PCDHGB4: variants seen among roughly 807,000 people sequenced by gnomAD.
PCDHGB4 encodes protocadherin gamma-B4.
Under a neutral mutation model 60.5 loss-of-function variants are expected in PCDHGB4, and 38 were observed. The observed-to-expected ratio is 0.63, with a 90% confidence interval of 0.48 to 0.82. The LOEUF is 0.82. Ranked by LOEUF, PCDHGB4 falls within the 40% of genes least tolerant of loss-of-function variation. PCDHGB4 has a pLI of 0.00. For synonymous variants in PCDHGB4, 456 were observed against 509.7 expected (o/e 0.89, Z 1.42); for missense variants, 1,109 against 1,209.6 (o/e 0.92, Z 1.23).
intron 1 of PCDHGB4, chr5:141,410,309 T>G: frequency 6.2e-7 from 1 of 1,613,998 alleles, no homozygotes; most frequent in Non-Finnish European, 8.5e-7. Flanking sequence ...CTCAGTGCTC[T>G]TCCTCCTCGC....
chr5:141,450,581 G>A (rs2098686464), intron 1 of PCDHGB4, among the ~76,000 whole-genome samples: 1 of 151,878 alleles, frequency 6.6e-6, no homozygotes, highest in Non-Finnish European at 1.5e-5. Context: ...CTGCCTCCCA[G>A]GTTCAAGCAA....
intron 1 of PCDHGB4, among the ~76,000 whole-genome samples, chr5:141,424,873 A>G (rs549945556): frequency 3.9e-5 from 6 of 152,198 alleles, no homozygotes; most frequent in Non-Finnish European, 8.8e-5. Context: ...CAAATGAGGA[A>G]AGGAGACTTA....
At position 141,490,979 on chromosome 5, in the gene PCDHGB4, C is replaced by T. The variant is rs1217345302; in HGVS notation, c.2398-3828C>T. 6.2e-7 allele frequency: 1 copy of T among 1,614,086 alleles called. No individual in the cohort carries two copies. The highest frequency in any genetic ancestry group is 8.5e-7 in the Non-Finnish European group (1 of 1,180,014). ...GAACACTCAGCCCCCCAGCGTCTCC[C>T]TCGCTCTGCTCCTCCTGGCTCCTTG... On this transcript the variant is annotated intron_variant, in intron 1 of 3. Transcript: ENST00000519479. This position sits in a 1 kb window ranked among gnomAD's most constrained non-coding sequence, Gnocchi z 5.4.
At chr5:141,418,891 C>T in intron 1 of PCDHGB4, 2 of 1,613,842 alleles carry the variant, frequency 1.2e-6, no homozygotes, top group South Asian at 2.2e-5. Flanking sequence ...ACGACAACAG[C>T]CCAGAAATAA....
chr5:141,478,624 T>C (rs1300260980), intron 1 of PCDHGB4: 3 of 1,554,196 alleles, frequency 1.9e-6, no homozygotes, highest in Non-Finnish European at 2.6e-6. Context: ...AATGGAGCTG[T>C]TTTTTTAGTG....
At chr5:141,401,079 C>T (rs1245954946) in intron 1 of PCDHGB4, among the ~76,000 whole-genome samples, 16 of 152,196 alleles carry the variant, frequency 1.1e-4, no homozygotes, top group Admixed American at 1.0e-3. Flanking sequence ...TGCAGTGGCT[C>T]ATGCCTGTAA....
chr5:141,436,240 G>A (rs192988618), intron 1 of PCDHGB4, among the ~76,000 whole-genome samples: 2 of 152,200 alleles, frequency 1.3e-5, no homozygotes, highest in East Asian at 3.9e-4. Flanking sequence ...AGCTAACATG[G>A]TCTAATTATT....
intron 2 of PCDHGB4, among the ~76,000 whole-genome samples, chr5:141,496,744 T>C (rs1383447795): frequency 6.6e-6 from 1 of 152,170 alleles, no homozygotes; most frequent in Non-Finnish European, 1.5e-5. Context: ...GTTCATTTAT[T>C]CAACAAATAT....
At position 141,497,103 on chromosome 5, in the gene PCDHGB4, T is replaced by C. The variant is rs182534106; in HGVS notation, c.2456+2238T>C. On this transcript the variant is annotated intron_variant, in intron 2 of 3. Transcript: ENST00000519479. ...ACTTAGGAGGCTGAGGCAGAACTGC[T>C]TGAACCCGGAAGGCAGAGGTTGCAG... Among the ~76,000 whole-genome samples, 34 of 152,160 alleles carry C rather than the reference T, an allele frequency of 2.2e-4. 1 individual carries two copies. Among genetic ancestry groups the C allele is most frequent in the Admixed American group, 6.6e-4 (10 of 15,264 alleles).
intron 1 of PCDHGB4, chr5:141,418,636 C>G (rs564881404): frequency 6.2e-7 from 1 of 1,613,980 alleles, no homozygotes; most frequent in South Asian, 1.1e-5. Context: ...CTCCAGGCAC[C>G]TCCATCCTGA....
intron 1 of PCDHGB4, among the ~76,000 whole-genome samples, chr5:141,449,978 T>A (rs1025332419): frequency 6.6e-6 from 1 of 151,030 alleles, no homozygotes; most frequent in Non-Finnish European, 1.5e-5. Context: ...GTCCAAAATA[T>A]CACACATTGC....
At chr5:141,403,773 AC>A (rs2094454199) in intron 1 of PCDHGB4, 1 of 1,613,838 alleles carries the variant, frequency 6.2e-7, no homozygotes, top group South Asian at 1.1e-5. Flanking sequence ...GAGGGAATCA[AC>A]GGAAAAGTGG....
At position 141,485,260 on chromosome 5, in the gene PCDHGB4, G is replaced by A. The variant is rs773919574; in HGVS notation, c.2398-9547G>A. On this transcript the variant is annotated intron_variant, in intron 1 of 3. Transcript: ENST00000519479. This position sits in a 1 kb window ranked among gnomAD's most constrained non-coding sequence, Gnocchi z 5.7. ...TTTACCACCTGGGTTACGTTTGTGG[G>A]CAGATCCGCTACCCGGTCCCAGAGG... The A allele has an allele frequency of 8.7e-6, 14 of 1,614,002 alleles. No individual in the cohort carries two copies. In the African/African-American group the frequency reaches 1.5e-4, roughly 17 times the overall value.
At chr5:141,507,262 G>A (rs1294679320) in intron 3 of PCDHGB4, 6 of 151,748 alleles carry the variant, frequency 4.0e-5, no homozygotes, top group Non-Finnish European at 8.8e-5. Flanking sequence ...TAAACAGCAA[G>A]TACTATTTCA....
intron 2 of PCDHGB4, among the ~76,000 whole-genome samples, chr5:141,499,868 A>G (rs2099794957): frequency 6.6e-6 from 1 of 152,024 alleles, no homozygotes; most frequent in Non-Finnish European, 1.5e-5. Context: ...TTGTATTTTC[A>G]GTACAAACAG....
chr5:141,390,523 G>T, intron 1 of PCDHGB4: 1 of 556,304 alleles, frequency 1.8e-6, no homozygotes, highest in South Asian at 2.2e-5. Context: ...AGCAATGAGG[G>T]TGTGGTTTTA....
chr5:141,454,351 C>T (rs1406631649), intron 1 of PCDHGB4, among the ~76,000 whole-genome samples: 2 of 152,152 alleles, frequency 1.3e-5, no homozygotes, highest in Non-Finnish European at 2.9e-5. Flanking sequence ...GAAGTTGATC[C>T]AAACTTAGAA....
rs746838072 is a variant in PCDHGB4 at position 141,486,116 on chromosome 5, T to A, written c.2398-8691T>A. ...GCCCCTAGACTTTGAGAGTGAGAATTACTATGAATTTGATGTGCGGGCTCG... is the reference window on the plus strand; with the variant it reads ...GCCCCTAGACTTTGAGAGTGAGAATAACTATGAATTTGATGTGCGGGCTCG... On this transcript the variant is annotated intron_variant, in intron 1 of 3. Coordinates refer to ENST00000519479, the MANE Select transcript of PCDHGB4 (RefSeq NM_003736.4). This position sits in a 1 kb window ranked among gnomAD's most constrained non-coding sequence, Gnocchi z 5.0. 1.1e-5 allele frequency: 17 copies of A among 1,613,638 alleles called. No homozygotes were observed. Among genetic ancestry groups the A allele is most frequent in the Non-Finnish European group, 1.4e-5 (17 of 1,179,610 alleles).
intron 1 of PCDHGB4, chr5:141,394,067 C>T (rs773390718): frequency 1.9e-6 from 3 of 1,613,794 alleles, no homozygotes; most frequent in Admixed American, 3.3e-5. Flanking sequence ...TCTCTATCTA[C>T]AATATCACAG....
Sources: gnomAD v4.1 joint callset for allele counts (sites outside exome capture counted in the v4.1 genomes callset) on GRCh38, gnomAD v4.1.1 for gene constraint, Gnocchi (gnomAD v3.1) non-coding constraint, MANE v1.5 for transcripts, NCBI Gene and HGNC (gene_info 2026-07-23, HGNC 2026-07-21) for gene names.